The following MYOCD variants were observed in gnomAD, a reference collection of about 807,000 sequenced individuals.
MYOCD encodes the protein myocardin.
In MYOCD, 32 loss-of-function variants were observed where a neutral mutation model predicts 96.1. The observed-to-expected ratio is 0.33, with a 90% CI of 0.25 to 0.45. The LOEUF is 0.45. Among genes scored for constraint, MYOCD ranks in the 20% least tolerant of loss-of-function variants. The pLI is 1.00. For synonymous variants in MYOCD, 469 were observed against 469.0 expected (o/e 1.00, Z 0.00); for missense variants, 1,133 against 1,200.6 (o/e 0.94, Z 0.83).
intron 1 of MYOCD, among the ~76,000 whole-genome samples, chr17:12,670,630 A>G (rs866335501): frequency 1.8e-4 from 27 of 152,216 alleles, no homozygotes; most frequent in African/African-American, 6.3e-4. Flanking sequence ...TTCCCATGAT[A>G]TGTAATATTT....
chr17:12,758,084 G>A lies in MYOCD; in HGVS notation c.2203-1G>A. On this transcript the variant is annotated splice_acceptor_variant, in intron 11 of 13. Coordinates refer to ENST00000425538, the MANE Select transcript of MYOCD (RefSeq NM_001146312.3). LOFTEE classifies it high-confidence loss of function. ...CCTTTCTTCATATTTTACCCATGCA[G>A]ATGGCTGGTTTACACTCTTCTGATA... The A allele has an allele frequency of 6.2e-7, 1 of 1,608,946 alleles. No individual in the cohort carries two copies. Among genetic ancestry groups the A allele is most frequent in the Non-Finnish European group, 8.5e-7 (1 of 1,175,364 alleles).
intron 12 of MYOCD, among the ~76,000 whole-genome samples, chr17:12,759,212 C>A (rs1182966687): frequency 6.6e-6 from 1 of 152,132 alleles, no homozygotes; most frequent in Non-Finnish European, 1.5e-5. Flanking sequence ...AGTCAGCCTG[C>A]AGTTAAGTTT....
At chr17:12,724,142 T>C (rs2031928361) in intron 5 of MYOCD, among the ~76,000 whole-genome samples, 2 of 152,196 alleles carry the variant, frequency 1.3e-5, no homozygotes, top group Admixed American at 6.5e-5. Context: ...TGCCACCATG[T>C]TTACTCTGAT....
rs2032899282 is a variant in MYOCD, at chr17:12,752,918, G to A, written c.1630G>A (p.Glu544Lys). 1 of 1,613,984 alleles carries A rather than the reference G, an allele frequency of 6.2e-7. No homozygotes were observed. Residue 544 changes from glutamate to lysine, a missense_variant, in exon 10 of 14, where the codon GAG becomes AAG. Coordinates refer to ENST00000425538, the MANE Select transcript of MYOCD (RefSeq NM_001146312.3). The part of the protein sequence containing the change: ...KLQQEQRQVE[E>K]LRMQLQKQKR... ...CCAGCAAGAGCAGAGGCAGGTGGAG[G>A]AGCTGAGGATGCAGCTTCAGAAGCA...
In MYOCD at chr17:12,714,323, GCACACACACACACA is replaced by G. The variant is rs4054959; in HGVS notation, c.122-1170_122-1157del. 7.3e-5 allele frequency among the ~76,000 whole-genome samples: 10 copies of G among 136,142 alleles called. No homozygotes were observed. The South Asian group carries it at 2.0e-3, about 28-fold the overall frequency. The allele number at this position is 136,142 out of a possible 152,430, so 89.3% of individuals were successfully genotyped here. On this transcript the variant is annotated intron_variant, in intron 2 of 13. Coordinates refer to ENST00000425538, the MANE Select transcript of MYOCD (RefSeq NM_001146312.3). ...GTCTTAAGGGTTGAATGAGGCACGT[GCACACACACACACA>G]CACACACACACACACACACACACAC...
intron 5 of MYOCD, among the ~76,000 whole-genome samples, chr17:12,735,294 T>C (rs1189045311): frequency 6.6e-6 from 1 of 152,134 alleles, no homozygotes; most frequent in African/African-American, 2.4e-5. Flanking sequence ...CAGCACATTG[T>C]GTACTGTGCA....
intron 4 of MYOCD, among the ~76,000 whole-genome samples, chr17:12,717,799 A>T (rs567095936): frequency 2.0e-5 from 3 of 152,306 alleles, no homozygotes; most frequent in Non-Finnish European, 4.4e-5. Flanking sequence ...TGTATTCTCC[A>T]GGTAATTGAT....
intron 1 of MYOCD, among the ~76,000 whole-genome samples, chr17:12,675,612 A>C (rs1909974833): frequency 6.6e-6 from 1 of 152,222 alleles, no homozygotes; most frequent in Admixed American, 6.5e-5. Flanking sequence ...TAATCCCAGC[A>C]ATTTGGGAGG....
Position 12,752,819 on chromosome 17 carries a change from G to C in MYOCD, c.1531G>C (p.Asp511His). Residue 511 changes from aspartate (D) to histidine (H), a missense_variant, in exon 10 of 14, where the codon GAT becomes CAT. Physicochemically the swap from Asp to His is moderately conservative, Grantham distance 81 (BLOSUM62 -1). Coordinates refer to ENST00000425538, the MANE Select transcript of MYOCD (RefSeq NM_001146312.3). ...TGGGGGCTCTGTTCCTTCTGAGCTG[G>C]ATGGGCTGGACTCCGAGAAGGACAA... ...LNGGSVPSEL[D>H]GLDSEKDKML... 1 of 1,614,078 alleles carries C rather than the reference G, an allele frequency of 6.2e-7. No homozygotes were observed. Among genetic ancestry groups the C allele is most frequent in the Non-Finnish European group, 8.5e-7 (1 of 1,180,020 alleles).
chr17:12,697,661 A>AT (rs1226763456), intron 1 of MYOCD, among the ~76,000 whole-genome samples: 1 of 151,908 alleles, frequency 6.6e-6, no homozygotes, highest in Non-Finnish European at 1.5e-5. Context: ...CTAGGTATAC[A>AT]TTTTTAAAAC....
intron 10 of MYOCD, 98 bp downstream of exon 10, chr17:12,753,444 G>A (rs1053690821): frequency 1.7e-5 from 19 of 1,136,198 alleles, no homozygotes; most frequent in Middle Eastern, 2.3e-4. Flanking sequence ...TTTTCAATGG[G>A]AAGGGTTTAC....
intron 2 of MYOCD, among the ~76,000 whole-genome samples, chr17:12,711,973 G>T (rs1485468262): frequency 2.0e-5 from 3 of 149,750 alleles, no homozygotes; most frequent in Non-Finnish European, 4.4e-5. Flanking sequence ...GCCCAGGCTG[G>T]AATGCAGTGG....
intron 5 of MYOCD, among the ~76,000 whole-genome samples, chr17:12,724,877 T>G (rs1296416804): frequency 1.3e-5 from 2 of 152,152 alleles, no homozygotes; most frequent in Non-Finnish European, 2.9e-5. Context: ...ATATTTTAAG[T>G]GAAAATTAGA....
At chr17:12,744,467 T>A (rs773213754) in intron 8 of MYOCD, 31 bp downstream of exon 8, 1 of 1,574,616 alleles carries the variant, frequency 6.4e-7, no homozygotes, top group Middle Eastern at 1.7e-4. Flanking sequence ...AGGGTGGCTG[T>A]GGGCAGAGGT....
At chr17:12,713,337 A>G (rs1216180943) in intron 2 of MYOCD, among the ~76,000 whole-genome samples, 1 of 152,176 alleles carries the variant, frequency 6.6e-6, no homozygotes, top group African/African-American at 2.4e-5. Context: ...AGAACAATTA[A>G]TAAGCTTTGC....
chr17:12,748,235 A>G (rs1255637743), intron 9 of MYOCD, among the ~76,000 whole-genome samples: 1 of 151,748 alleles, frequency 6.6e-6, no homozygotes, highest in Non-Finnish European at 1.5e-5. Context: ...AGTTTAAAAA[A>G]CTGAGAGAAT....
chr17:12,681,217 C>T (rs1176411361), intron 1 of MYOCD, among the ~76,000 whole-genome samples: 1 of 152,196 alleles, frequency 6.6e-6, no homozygotes, highest in Non-Finnish European at 1.5e-5. Context: ...GACTTTGCCA[C>T]CCCATCCTCC....
At chr17:12,694,682 G>A (rs2030650364) in intron 1 of MYOCD, among the ~76,000 whole-genome samples, 1 of 152,076 alleles carries the variant, frequency 6.6e-6, no homozygotes, top group South Asian at 2.1e-4. Context: ...GAGAGCTATT[G>A]TCATACGTAC....
chr17:12,742,112 A>G (rs1420804582), intron 7 of MYOCD, among the ~76,000 whole-genome samples: 1 of 152,116 alleles, frequency 6.6e-6, no homozygotes, highest in Non-Finnish European at 1.5e-5. Context: ...ATGAGGCGAC[A>G]ACAGCAGCTG....
Sources: gnomAD v4.1 joint callset for allele counts (sites outside exome capture counted in the v4.1 genomes callset) on GRCh38, gnomAD v4.1.1 for gene constraint, MANE v1.5 for transcripts, NCBI Gene and HGNC (gene_info 2026-07-23, HGNC 2026-07-21) for gene names.